CNTNAP3B: variants seen among roughly 807,000 people sequenced by gnomAD.
CNTNAP3B encodes the protein contactin associated protein family member 3B.
In CNTNAP3B, 25 loss-of-function variants were observed where a neutral mutation model predicts 108.9. The observed-to-expected ratio is 0.23, with a 90% CI of 0.17 to 0.32. CNTNAP3B has a LOEUF of 0.32. Among genes scored for constraint, CNTNAP3B ranks in the 10% least tolerant of loss-of-function variants. CNTNAP3B has a pLI of 1.00. For missense variants in CNTNAP3B, 252 were observed against 1,210.4 expected (o/e 0.21, Z 11.75); for synonymous variants, 103 against 473.4 (o/e 0.22, Z 10.16).
At chr9:41,968,107 C>T (rs1259486100) in intron 10 of CNTNAP3B, among the ~76,000 whole-genome samples, 1 of 152,184 alleles carries the variant, frequency 6.6e-6, no homozygotes, top group East Asian at 1.9e-4. Flanking sequence ...ACAAAGCAGG[C>T]AAAATGGATC....
At position 42,019,690 on chromosome 9, in the gene CNTNAP3B, G is replaced by A. The variant is rs539151002; in HGVS notation, c.391-6165C>T. Among the ~76,000 whole-genome samples the A allele has an allele frequency of 2.7e-5, 4 of 149,764 alleles. No homozygotes were observed. The South Asian group carries it at 8.4e-4, about 32-fold the overall frequency. On this transcript the variant is annotated intron_variant, in intron 3 of 23. Coordinates refer to ENST00000377561, the MANE Select transcript of CNTNAP3B (RefSeq NM_001201380.3). Reference sequence around the variant, plus strand: ...GCAGGAGAATCACATGAACCTGGGAGGTGGAGGTTGCAGTGAGCCAAGATT... The same window carrying A: ...GCAGGAGAATCACATGAACCTGGGAAGTGGAGGTTGCAGTGAGCCAAGATT...
At chr9:41,928,619 G>T (rs1315172887) in intron 15 of CNTNAP3B, among the ~76,000 whole-genome samples, 2 of 152,300 alleles carry the variant, frequency 1.3e-5, no homozygotes, top group Non-Finnish European at 2.9e-5. Context: ...CCTCTCAGAA[G>T]TAGCCCCCAC....
intron 13 of CNTNAP3B, among the ~76,000 whole-genome samples, chr9:41,952,077 G>A (rs1441376003): frequency 9.2e-5 from 14 of 152,268 alleles, no homozygotes; most frequent in Admixed American, 7.8e-4. Context: ...GTCAATCCAG[G>A]CAGAGGAAAT....
chr9:41,965,694 G>A (rs1269747485), intron 10 of CNTNAP3B, among the ~76,000 whole-genome samples: 1 of 152,082 alleles, frequency 6.6e-6, no homozygotes, highest in African/African-American at 2.4e-5. Flanking sequence ...GCACCCAAGT[G>A]CCCCTCACCA....
At chr9:42,125,837 C>T (rs1473722804) in intron 1 of CNTNAP3B, among the ~76,000 whole-genome samples, 7 of 128,502 alleles carry the variant, frequency 5.4e-5, no homozygotes, top group Non-Finnish European at 8.2e-5. Context: ...AGGCTGGTTT[C>T]GAACTCCCGA....
chr9:41,934,672 T>G (rs1456777229), intron 14 of CNTNAP3B, among the ~76,000 whole-genome samples: 2 of 152,298 alleles, frequency 1.3e-5, no homozygotes, highest in East Asian at 3.8e-4. Context: ...TCTGCTTTCT[T>G]TTGATTTGTA....
At chr9:42,019,285 AAT>A (rs1242458236) in intron 3 of CNTNAP3B, among the ~76,000 whole-genome samples, 2 of 66,538 alleles carry the variant, frequency 3.0e-5, no homozygotes, top group African/African-American at 6.1e-5. Context: ...ATTAGAATAC[AAT>A]GTTTATCAAC....
intron 3 of CNTNAP3B, among the ~76,000 whole-genome samples, chr9:42,030,806 AGAGAGAG>A (rs1438086801): frequency 3.4e-5 from 3 of 87,584 alleles, no homozygotes; most frequent in Non-Finnish European, 4.5e-5. Flanking sequence ...AGAGAGAGAG[AGAGAGAG>A]GAGAGAGAGA....
chr9:41,980,759 A>G (rs1825613865), intron 9 of CNTNAP3B: 2 of 143,650 alleles, frequency 1.4e-5, no homozygotes, highest in African/African-American at 5.4e-5. Context: ...AGTAAGAGCC[A>G]CCTATGACAA....
chr9:41,936,170 G>C lies in CNTNAP3B; in HGVS notation c.2237+2074C>G, dbSNP rs573363135. ...CACTCGGCTGTAATCCCAGTTACTC[G>C]GGAGGCTGAGGCAGGAGAATCGCTT... On this transcript the variant is annotated intron_variant, in intron 14 of 23. Transcript: ENST00000377561. 1.7e-4 allele frequency among the ~76,000 whole-genome samples: 26 copies of C among 152,396 alleles called. No homozygotes were observed. The East Asian group carries it at 4.8e-3, about 28-fold the overall frequency.
At chr9:41,927,974 C>A in intron 15 of CNTNAP3B, among the ~76,000 whole-genome samples, 1 of 141,900 alleles carries the variant, frequency 7.0e-6, no homozygotes, top group African/African-American at 2.7e-5. Context: ...GTATTCAAAG[C>A]ATAATAAAAA....
intron 17 of CNTNAP3B, among the ~76,000 whole-genome samples, chr9:41,921,226 C>T (rs1171585099): frequency 4.6e-5 from 7 of 152,278 alleles, no homozygotes; most frequent in Non-Finnish European, 7.3e-5. Flanking sequence ...TGTTTCTAGG[C>T]ATTCCCTTAA....
At chr9:42,042,369 T>G (rs1826778739) in intron 3 of CNTNAP3B, among the ~76,000 whole-genome samples, 1 of 135,804 alleles carries the variant, frequency 7.4e-6, no homozygotes, top group South Asian at 2.4e-4. Flanking sequence ...TAAATATGAG[T>G]AAGATTTACG....
At chr9:42,076,141 G>A (rs1483412896) in intron 3 of CNTNAP3B, among the ~76,000 whole-genome samples, 15 of 52,204 alleles carry the variant, frequency 2.9e-4, no homozygotes, top group Middle Eastern at 6.6e-3. Context: ...CTGGCCAGGT[G>A]CGGTGGCTCA....
rs1175986122 is a variant in CNTNAP3B at position 42,111,010 on chromosome 9, G to A, written c.86-6271C>T. On this transcript the variant is annotated intron_variant, in intron 1 of 23. Coordinates refer to ENST00000377561, the MANE Select transcript of CNTNAP3B (RefSeq NM_001201380.3). ...TTTTACATGGTCTTGATCTCCATTC[G>A]ATTATCTTCAGTCACTGTCTTCCCT... 2.9e-5 allele frequency among the ~76,000 whole-genome samples: 4 copies of A among 138,714 alleles called. 1 individual carries two copies. The highest frequency in any genetic ancestry group is 6.2e-5 in the Non-Finnish European group (4 of 64,822). 91.0% of individuals were successfully genotyped at this position (138,714 alleles called of 152,430 possible). A position where few individuals can be genotyped will look rare whatever the true frequency, so the allele number is the denominator to read the frequency against.
rs1247065639 is a variant in CNTNAP3B at position 42,115,903 on chromosome 9, G to T, written c.86-11164C>A. Among the ~76,000 whole-genome samples, 25 of 127,252 alleles carry T rather than the reference G, an allele frequency of 2.0e-4. No homozygotes were observed. In the South Asian group the frequency reaches 6.3e-3, roughly 32 times the overall value. 83.5% of individuals were successfully genotyped at this position (127,252 alleles called of 152,430 possible). A position where few individuals can be genotyped will look rare whatever the true frequency, so the allele number is the denominator to read the frequency against. ...TGAGAGAAGAAGGTTTCAGATGATC[G>T]GTAATAACAAACTTCTCCGAGCTAA... is the stretch of plus-strand genomic sequence containing the variant. On this transcript the variant is annotated intron_variant, in intron 1 of 23. Transcript: ENST00000377561.
At position 42,109,975 on chromosome 9, in the gene CNTNAP3B, G is replaced by A. The variant is rs1489606385; in HGVS notation, c.86-5236C>T. On this transcript the variant is annotated intron_variant, in intron 1 of 23. Coordinates refer to ENST00000377561, the MANE Select transcript of CNTNAP3B (RefSeq NM_001201380.3). ...GGCACACGGGCAACCACAGGAAGCC[G>A]GAAGAAACGAAGAATGCATGTCCCC... is the stretch of plus-strand genomic sequence containing the variant. 7.9e-5 allele frequency among the ~76,000 whole-genome samples: 11 copies of A among 138,818 alleles called. 1 individual carries two copies. The highest frequency in any genetic ancestry group is 2.6e-4 in the African/African-American group (9 of 34,952). The allele number at this position is 138,818 out of a possible 152,430, so 91.1% of individuals were successfully genotyped here. A position where few individuals can be genotyped will look rare whatever the true frequency, so the allele number is the denominator to read the frequency against.
intron 1 of CNTNAP3B, among the ~76,000 whole-genome samples, chr9:42,110,261 G>C (rs368513962): frequency 7.4e-6 from 1 of 135,744 alleles, no homozygotes; most frequent in Non-Finnish European, 1.6e-5. Context: ...AATTCCTTCT[G>C]AGAAGGGCTT....
rs537247444 is a variant in CNTNAP3B at position 42,116,995 on chromosome 9, C to T, written c.85+12015G>A. 5.7e-5 allele frequency among the ~76,000 whole-genome samples: 8 copies of T among 139,356 alleles called. 3 individuals are homozygous for T. The East Asian group carries it at 1.7e-3, about 30-fold the overall frequency. 91.4% of individuals were successfully genotyped at this position (139,356 alleles called of 152,430 possible). On this transcript the variant is annotated intron_variant, in intron 1 of 23. Transcript: ENST00000377561. ...GTTAAATATCCTAAATATATATGCA[C>T]CCAGTACAGGAGCACCCAGACTCAT...
Sources: gnomAD v4.1 joint callset for allele counts (sites outside exome capture counted in the v4.1 genomes callset) on GRCh38, gnomAD v4.1.1 for gene constraint, MANE v1.5 for transcripts, NCBI Gene and HGNC (gene_info 2026-07-23, HGNC 2026-07-21) for gene names.